The following FLG variants were observed in gnomAD, a reference collection of about 807,000 sequenced individuals.
FLG encodes the protein epidermal filaggrin.
Under a neutral mutation model 3.8 loss-of-function variants are expected in FLG, and 6 were observed. The observed-to-expected ratio is 1.60, with a 90% confidence interval of 0.87 to 3.15. The LOEUF is 3.15. Ranked by LOEUF, FLG falls within the 30% of genes most tolerant of loss-of-function variation. The pLI, the probability that FLG is intolerant of heterozygous loss-of-function variation, is 0.00. For missense variants in FLG, 7,595 were observed against 5,050.9 expected, an observed-to-expected ratio of 1.50 and a Z score of -15.27; for synonymous variants, 2,551 against 1,931.6, an observed-to-expected ratio of 1.32 and a Z score of -8.41.
At chr1:152,316,879 T>C (rs1191265254) in intron 1 of FLG, among the ~76,000 whole-genome samples, 3 of 152,170 alleles carry the variant, frequency 2.0e-5, no homozygotes, top group Non-Finnish European at 4.4e-5. Flanking sequence ...CTTTTTCTTA[T>C]ACCCACTGGC....
rs1459418796 is a variant in FLG, at chr1:152,308,535, G to C, written c.6351C>G (p.Ser2117=). The change falls in exon 3 of 3, where the codon TCC becomes TCG. Residue 2117 remains serine (S), a synonymous_variant. Transcript: ENST00000368799. The part of the protein sequence containing the change: ...SAPSTGGRQG[S]HYDQAQDSSR... ...AGCTGTCTTGTGCCTGATCATAATG[G>C]GATCCTTGTCTTCCTCCAGTGCTGG... 5 of 1,613,632 alleles carry C rather than the reference G, an allele frequency of 3.1e-6. No individual in the cohort carries two copies. Among genetic ancestry groups the C allele is most frequent in the Non-Finnish European group, 3.4e-6 (4 of 1,179,704 alleles).
At chr1:152,323,065 G>C (rs968014872) in intron 1 of FLG, among the ~76,000 whole-genome samples, 2 of 151,534 alleles carry the variant, frequency 1.3e-5, no homozygotes. Context: ...TATCACTCTG[G>C]ACATTTGGTT....
rs1039456356 is a variant in FLG at position 152,302,548 on chromosome 1, A to C, written c.*152T>G. ...TTAAAGATCATTACACAATAAAAAT[A>C]AGCTACCACCAAACTAATGAAATAC... On this transcript the variant is annotated 3_prime_UTR_variant, in exon 3 of 3. Transcript: ENST00000368799. 1 of 954,130 alleles carries C rather than the reference A, an allele frequency of 1.0e-6. No homozygotes were observed. The highest frequency in any genetic ancestry group is 1.7e-5 in the African/African-American group (1 of 60,084). 59.1% of individuals were successfully genotyped at this position (954,130 alleles called of 1,614,324 possible). A position where few individuals can be genotyped will look rare whatever the true frequency, so the allele number is the denominator to read the frequency against.
Position 152,308,053 on chromosome 1 carries a change from C to T in FLG, c.6833G>A (p.Gly2278Asp). ...HGSAQEQSRD[G>D]SRHPRSHHED... ...GTGATGGGACCTGGGGTGTCTGGAG[C>T]CATCTCTTGACTGCTCCTGAGCAGA... Residue 2278 changes from glycine to aspartate, a missense_variant, in exon 3 of 3, where the codon GGC (glycine) becomes GAC (aspartate). Physicochemically the swap from Gly to Asp is moderately conservative, Grantham distance 94. Transcript: ENST00000368799. 6.2e-7 allele frequency: 1 copy of T among 1,614,118 alleles called. No homozygotes were observed. Among genetic ancestry groups the T allele is most frequent in the Admixed American group, 1.7e-5 (1 of 60,024 alleles).
chr1:152,307,375 G>T lies in FLG; in HGVS notation c.7511C>A (p.Ser2504Tyr). The change falls in exon 3 of 3, where the codon TCC (serine) becomes TAC (tyrosine). Residue 2504 changes from serine (S) to tyrosine (Y), a missense_variant. Ser to Tyr is a moderately radical substitution (Grantham distance 144). Coordinates refer to ENST00000368799, the MANE Select transcript of FLG (RefSeq NM_002016.2). The part of the protein sequence containing the change: ...HTTSQGRSDA[S>Y]HGHSGSRSAS... The stretch of plus-strand genomic sequence containing the variant: ...ACTTCTGGATCCTGAGTGCCCATGG[G>T]AGGCATCAGACCTTCCCTGGGATGT... The T allele has an allele frequency of 3.7e-6, 6 of 1,613,190 alleles. No homozygotes were observed. The highest frequency in any genetic ancestry group is 2.2e-5 in the East Asian group (1 of 44,742).
chr1:152,303,659 G>T lies in FLG; in HGVS notation c.11227C>A (p.Arg3743=), dbSNP rs142421644. 1 of 1,613,738 alleles carries T rather than the reference G, an allele frequency of 6.2e-7. No individual in the cohort carries two copies. Among genetic ancestry groups the T allele is most frequent in the Admixed American group, 1.7e-5 (1 of 59,918 alleles). Reference sequence around the variant, plus strand: ...GACGCTGAGTGCCTGGAGCTGTCTCGTGCCTGCTCGTGGCGGGATCCTTGT... The same window carrying T: ...GACGCTGAGTGCCTGGAGCTGTCTCTTGCCTGCTCGTGGCGGGATCCTTGT... ...GRQGSRHEQA[R]DSSRHSASQE... is the part of the protein sequence containing the mutation. The change falls in exon 3 of 3, where the codon CGA becomes AGA. Residue 3743 remains arginine (R), a synonymous_variant. Transcript: ENST00000368799.
Position 152,313,800 on chromosome 1 carries a change from C to A in FLG, c.1086G>T (p.Glu362Asp), listed in dbSNP as rs763262672. ...SSRQSGTRHA[E>D]TSSRGQTASS... ...ATGCAGTCTGTCCACGAGAGGAAGT[C>A]TCTGCGTGACGAGTGCCTGATTGTC... Residue 362 changes from glutamate (E) to aspartate (D), a missense_variant, in exon 3 of 3, where the codon GAG (glutamate) becomes GAT (aspartate). By Grantham distance (45) the Glu-to-Asp change is conservative (BLOSUM62 2). Coordinates refer to ENST00000368799, the MANE Select transcript of FLG (RefSeq NM_002016.2). 3 of 1,613,978 alleles carry A rather than the reference C, an allele frequency of 1.9e-6. No homozygotes were observed. The highest frequency in any genetic ancestry group is 2.2e-5 in the East Asian group (1 of 44,874).
In FLG at chr1:152,305,126, G is replaced by T. The variant is rs745470379; in HGVS notation, c.9760C>A (p.Pro3254Thr). 6.2e-7 allele frequency: 1 copy of T among 1,613,872 alleles called. No homozygotes were observed. Among genetic ancestry groups the T allele is most frequent in the South Asian group, 1.1e-5 (1 of 91,020 alleles). The change falls in exon 3 of 3, where the codon CCC (proline) becomes ACC (threonine). Residue 3254 changes from proline to threonine, a missense_variant. By Grantham distance (38) the Pro-to-Thr change is conservative. Transcript: ENST00000368799. ...GCTCTGTCTTCGTGATGGGACCTGG[G>T]GTGTCTGGAGCCGTGCCTTGACTGC... ...QEQSRHGSRH[P>T]RSHHEDRAGH...
chr1:152,307,386 C>T lies in FLG; in HGVS notation c.7500G>A (p.Arg2500=). ...SHHSHTTSQG[R]SDASHGHSGS... ...CTGAGTGCCCATGGGAGGCATCAGA[C>T]CTTCCCTGGGATGTGGTGTGGCTGT... The change falls in exon 3 of 3, where the codon AGG becomes AGA. Residue 2500 remains arginine (R), a synonymous_variant. Transcript: ENST00000368799. The T allele has an allele frequency of 6.2e-7, 1 of 1,613,276 alleles. No individual in the cohort carries two copies. Among genetic ancestry groups the T allele is most frequent in the Non-Finnish European group, 8.5e-7 (1 of 1,179,700 alleles).
In FLG at chr1:152,310,340, C is replaced by T. The variant is rs1652315236; in HGVS notation, c.4546G>A (p.Gly1516Arg). 6.2e-7 allele frequency: 1 copy of T among 1,613,936 alleles called. No homozygotes were observed. Among genetic ancestry groups the T allele is most frequent in the Non-Finnish European group, 8.5e-7 (1 of 1,179,998 alleles). ...EQSVDRSGHS[G>R]YHHSHTTPQG... ...GGTGTGGTGTGGCTGTGATGGTACC[C>T]TGAGTGTCCAGACCTATCTACTGAT... Residue 1516 changes from glycine (G) to arginine (R), a missense_variant, in exon 3 of 3, where the codon GGG becomes AGG. Physicochemically the swap from Gly to Arg is moderately radical, Grantham distance 125. Transcript: ENST00000368799.
Position 152,309,279 on chromosome 1 carries a change from A to G in FLG, c.5607T>C (p.Arg1869=). 6.2e-7 allele frequency: 1 copy of G among 1,612,972 alleles called. No homozygotes were observed. The highest frequency in any genetic ancestry group is 8.5e-7 in the Non-Finnish European group (1 of 1,179,802). The part of the protein sequence containing the change: ...SGSRSVSRQT[R]NEKQSGDGSR... ...AGCCGTCTCCTGATTGTTTCTCATT[A>G]CGTGTTTGTCTGCTGACACTTCTGG... Residue 1869 remains arginine (R), a synonymous_variant, in exon 3 of 3, where the codon CGT becomes CGC. Transcript: ENST00000368799.
rs755000101 is a variant in FLG, at chr1:152,302,863, A to G, written c.12023T>C (p.Phe4008Ser). 6.2e-7 allele frequency: 1 copy of G among 1,614,236 alleles called. No homozygotes were observed. Among genetic ancestry groups the G allele is most frequent in the African/African-American group, 1.3e-5 (1 of 75,060 alleles). Residue 4008 changes from phenylalanine (F) to serine (S), a missense_variant, in exon 3 of 3, where the codon TTC becomes TCC. Phe to Ser is a radical substitution (Grantham distance 155, BLOSUM62 -2). Coordinates refer to ENST00000368799, the MANE Select transcript of FLG (RefSeq NM_002016.2). Reference protein sequence around the residue: ...SVSYNSNPVVFKERSDICKAS... With the variant: ...SVSYNSNPVVSKERSDICKAS... ...TTTACAGATATCAGATCTTTCCTTG[A>G]AAACAACAGGATTGGAATTGTAACT...
At position 152,303,219 on chromosome 1, in the gene FLG, T is replaced by A. The variant is rs1169648673; in HGVS notation, c.11667A>T (p.Gly3889=). The change falls in exon 3 of 3, where the codon GGA becomes GGT. Residue 3889 remains glycine (G), a synonymous_variant. Transcript: ENST00000368799. ...CATCTCTTGACTGCTCCCGAGAAGA[T>A]CCATGATGGTTTCTGGAAGCAGACT... is the stretch of plus-strand genomic sequence containing the variant. The part of the protein sequence containing the change: ...RSESASRNHH[G]SSREQSRDGS... 1.3e-5 allele frequency: 21 copies of A among 1,614,022 alleles called. No individual in the cohort carries two copies. In the East Asian group the frequency reaches 4.7e-4, roughly 36 times the overall value.
At chr1:152,315,703 C>A (rs1652767051) in intron 1 of FLG, among the ~76,000 whole-genome samples, 1 of 152,180 alleles carries the variant, frequency 6.6e-6, no homozygotes, top group South Asian at 2.1e-4. Context: ...TGCCCACTTA[C>A]AGCTGGACTT....
rs1277188971 is a variant in FLG, at chr1:152,313,807, T to G, written c.1079A>C (p.His360Pro). 1.7e-5 allele frequency: 28 copies of G among 1,614,112 alleles called. No individual in the cohort carries two copies. Among genetic ancestry groups the G allele is most frequent in the Non-Finnish European group, 2.2e-5 (26 of 1,180,010 alleles). The change falls in exon 3 of 3, where the codon CAC (histidine) becomes CCC (proline). Residue 360 changes from histidine to proline, a missense_variant. Physicochemically the swap from His to Pro is moderately conservative, Grantham distance 77 (BLOSUM62 -2). Coordinates refer to ENST00000368799, the MANE Select transcript of FLG (RefSeq NM_002016.2). ...ADSSRQSGTR[H>P]AETSSRGQTA... ...CTGTCCACGAGAGGAAGTCTCTGCG[T>G]GACGAGTGCCTGATTGTCTGGAGCT...
rs1173854459 is a variant in FLG at position 152,303,281 on chromosome 1, T to G, written c.11605A>C (p.Ser3869Arg). The change falls in exon 3 of 3, where the codon AGT becomes CGT. Residue 3869 changes from serine (S) to arginine (R), a missense_variant. Ser to Arg is a moderately radical substitution (Grantham distance 110). Coordinates refer to ENST00000368799, the MANE Select transcript of FLG (RefSeq NM_002016.2). ...QGSSVSQDSD[S>R]EAYPEDSERR... ...TCAGAGTCCTCTGGGTATGCCTCAC[T>G]GTCACTGTCCTGGCTAACACTGGAT... The G allele has an allele frequency of 1.8e-5, 29 of 1,614,012 alleles. No individual in the cohort carries two copies. Among genetic ancestry groups the G allele is most frequent in the East Asian group, 2.2e-5 (1 of 44,878 alleles).
In FLG at chr1:152,310,430, G is replaced by A. The variant is rs748238097; in HGVS notation, c.4456C>T (p.Gln1486Ter). ...CCCGGGTGTCCACGAATGGTGTCCTGACCGTCTTGGGATGCTGAGTGCCTA... is the reference window on the plus strand; with the variant it reads ...CCCGGGTGTCCACGAATGGTGTCCTAACCGTCTTGGGATGCTGAGTGCCTA... The part of the protein sequence containing the change: ...SSRHSASQDG[Q>*]DTIRGHPGSS... Residue 1486 changes from glutamine to a stop codon, truncating the protein, a stop_gained, in exon 3 of 3, where the codon CAG (glutamine) becomes TAG (stop). Transcript: ENST00000368799. LOFTEE classifies it low-confidence loss of function (END_TRUNC). The A allele has an allele frequency of 3.7e-6, 6 of 1,613,460 alleles. No individual in the cohort carries two copies. The highest frequency in any genetic ancestry group is 5.1e-6 in the Non-Finnish European group (6 of 1,179,826).
In FLG at chr1:152,311,217, G is replaced by C. The variant is rs766058560; in HGVS notation, c.3669C>G (p.Asp1223Glu). ...GCCTGGAGCCGTCTCCTGATTGTTT[G>C]TCCTTACGAGTTTGTCTGCTTGCAC... ...SRSASRQTRK[D>E]KQSGDGSRHS... Residue 1223 changes from aspartate to glutamate, a missense_variant, in exon 3 of 3, where the codon GAC becomes GAG. Transcript: ENST00000368799. 1.2e-5 allele frequency: 19 copies of C among 1,613,480 alleles called. No individual in the cohort carries two copies. The highest frequency in any genetic ancestry group is 5.4e-5 in the African/African-American group (4 of 74,718).
At position 152,303,253 on chromosome 1, in the gene FLG, C is replaced by T. The variant is rs755138083; in HGVS notation, c.11633G>A (p.Arg3878Lys). The T allele has an allele frequency of 6.2e-7, 1 of 1,614,110 alleles. No individual in the cohort carries two copies. Among genetic ancestry groups the T allele is most frequent in the Non-Finnish European group, 8.5e-7 (1 of 1,180,020 alleles). ...GTTTCTGGAAGCAGACTCAGATCGC[C>T]TCTCAGAGTCCTCTGGGTATGCCTC... ...DSEAYPEDSE[R>K]RSESASRNHH... Residue 3878 changes from arginine to lysine, a missense_variant, in exon 3 of 3, where the codon AGG becomes AAG. Physicochemically the swap from Arg to Lys is conservative, Grantham distance 26. Coordinates refer to ENST00000368799, the MANE Select transcript of FLG (RefSeq NM_002016.2).
Sources: gnomAD v4.1 joint callset for allele counts (sites outside exome capture counted in the v4.1 genomes callset) on GRCh38, gnomAD v4.1.1 for gene constraint, MANE v1.5 for transcripts, NCBI Gene and HGNC (gene_info 2026-07-23, HGNC 2026-07-21) for gene names.